Variants in LMBRD1 observed in about 807,000 individuals in gnomAD.
The protein encoded by LMBRD1 is LMBR1 domain containing 1.
In LMBRD1, 64 loss-of-function variants were observed where a neutral mutation model predicts 74.8. That is an observed-to-expected ratio of 0.86 (90% CI 0.70 to 1.05). The LOEUF (loss-of-function observed/expected upper bound fraction) is 1.05, where lower values mean the gene tolerates loss of function less well. Ranked by LOEUF, LMBRD1 falls within the 50% of genes least tolerant of loss-of-function variation. The probability of loss-of-function intolerance (pLI) is 0.00; values close to 1 mark genes in which losing one functional copy is unlikely to be tolerated. For synonymous variants in LMBRD1, 204 were observed against 216.3 expected, an observed-to-expected ratio of 0.94 and a Z score of 0.50; for missense variants, 652 against 645.9, an observed-to-expected ratio of 1.01 and a Z score of -0.10.
chr6:69,776,606 A>C (rs559684996), intron 3 of LMBRD1, among the ~76,000 whole-genome samples: 11 of 152,358 alleles, frequency 7.2e-5, no homozygotes, highest in African/African-American at 2.6e-4. Context: ...ACCCGAACAT[A>C]AAAGACAATT....
intron 14 of LMBRD1, among the ~76,000 whole-genome samples, chr6:69,685,814 A>G (rs536799405): frequency 6.6e-6 from 1 of 152,184 alleles, no homozygotes; most frequent in South Asian, 2.1e-4. Context: ...ACAAACAAAC[A>G]AACAAAAACA....
intron 3 of LMBRD1, among the ~76,000 whole-genome samples, chr6:69,764,188 C>T (rs1457496): frequency 0.12 from 17,801 of 152,106 alleles, 2,893 homozygotes; most frequent in African/African-American, 0.36. Flanking sequence ...GAAGCCCTAA[C>T]GCCAATGTGA....
At chr6:69,682,718 G>A (rs1346778407) in intron 14 of LMBRD1, among the ~76,000 whole-genome samples, 1 of 151,934 alleles carries the variant, frequency 6.6e-6, no homozygotes, top group Admixed American at 6.6e-5. Flanking sequence ...TAAAATAAAA[G>A]TAGTTTAAAC....
intron 7 of LMBRD1, among the ~76,000 whole-genome samples, chr6:69,719,836 T>G (rs114972140): frequency 2.6e-5 from 4 of 152,168 alleles, no homozygotes; most frequent in Non-Finnish European, 5.9e-5. Context: ...CATTATGTAC[T>G]TAAATGTTTT....
chr6:69,725,012 A>C (rs886211742), intron 7 of LMBRD1, among the ~76,000 whole-genome samples: 6 of 152,196 alleles, frequency 3.9e-5, no homozygotes, highest in Non-Finnish European at 8.8e-5. Context: ...AAATTCAGTA[A>C]AGTTGCAGGA....
At position 69,790,340 on chromosome 6, in the gene LMBRD1, T is replaced by C. The variant is rs774134406; in HGVS notation, c.202A>G (p.Ile68Val). 17 of 1,613,206 alleles carry C rather than the reference T, an allele frequency of 1.1e-5. No homozygotes were observed. Among genetic ancestry groups the C allele is most frequent in the East Asian group, 2.2e-5 (1 of 44,858 alleles). ...LITSALLPVD[I>V]FLVSYMKNQN... ...TTTTTCATGTAAGAAACCAAAAATA[T>C]ATCCACTGGTAGAAGTGCTGATGTG... The change falls in exon 2 of 16, where the codon ATA becomes GTA. Residue 68 changes from isoleucine (I) to valine (V), a missense_variant. This residue lies in a region of LMBRD1 where 598 missense variants were observed against 581.8 expected (regional missense o/e 1.03). Transcript: ENST00000649934.
At chr6:69,728,090 T>C (rs1268101774) in intron 7 of LMBRD1, among the ~76,000 whole-genome samples, 1 of 152,158 alleles carries the variant, frequency 6.6e-6, no homozygotes, top group Non-Finnish European at 1.5e-5. Context: ...GGAAGCATGG[T>C]TAGGGACACC....
In LMBRD1 at chr6:69,775,019, G is replaced by A. The variant is rs9364059; in HGVS notation, c.307+5475C>T. Among the ~76,000 whole-genome samples the A allele has an allele frequency of 2.2e-3, 208 of 92,492 alleles. 45 individuals carry two copies. The highest frequency in any genetic ancestry group is 3.5e-3 in the East Asian group (10 of 2,826). 60.7% of individuals were successfully genotyped at this position (92,492 alleles called of 152,430 possible). A position where few individuals can be genotyped will look rare whatever the true frequency, so the allele number is the denominator to read the frequency against. ...GGAGGGAGGGAGGGAGGGAGGGAGG[G>A]AGGGAGGGAGGGAGGGAAGGAAGGA... On this transcript the variant is annotated intron_variant, in intron 3 of 15. Coordinates refer to ENST00000649934, the MANE Select transcript of LMBRD1 (RefSeq NM_018368.4).
chr6:69,695,388 G>A (rs1284225775), intron 14 of LMBRD1, among the ~76,000 whole-genome samples: 3 of 151,446 alleles, frequency 2.0e-5, no homozygotes, highest in Non-Finnish European at 4.4e-5. Flanking sequence ...TGATTATCCT[G>A]GGTTCCAGTG....
At chr6:69,753,802 G>A (rs368379512) in intron 3 of LMBRD1, among the ~76,000 whole-genome samples, 4 of 152,096 alleles carry the variant, frequency 2.6e-5, no homozygotes, top group East Asian at 3.8e-4. Context: ...TTAGCTGGGC[G>A]TGGTCGTGGG....
intron 9 of LMBRD1, among the ~76,000 whole-genome samples, chr6:69,711,439 C>A (rs1766381715): frequency 1.3e-5 from 2 of 152,068 alleles, no homozygotes; most frequent in Non-Finnish European, 2.9e-5. Context: ...TCCTTCTAAA[C>A]ATATGTTTGG....
At chr6:69,778,226 A>G (rs1765746740) in intron 3 of LMBRD1, among the ~76,000 whole-genome samples, 2 of 152,226 alleles carry the variant, frequency 1.3e-5, no homozygotes, top group Admixed American at 1.3e-4. Flanking sequence ...CAAAGCAATT[A>G]TATTTCTCAC....
chr6:69,697,736 C>CAG, intron 13 of LMBRD1, 95 bp from the exon 14 acceptor site: 13 of 678,426 alleles, frequency 1.9e-5, no homozygotes, highest in Non-Finnish European at 3.1e-5. Flanking sequence ...ACTCTGTATA[C>CAG]TAACTACATC....
At chr6:69,685,953 A>T (rs922274689) in intron 14 of LMBRD1, among the ~76,000 whole-genome samples, 1 of 152,174 alleles carries the variant, frequency 6.6e-6, no homozygotes, top group Admixed American at 6.5e-5. Context: ...TTTAAGGGAG[A>T]CATGATGGAA....
chr6:69,762,913 T>C (rs1765402299), intron 3 of LMBRD1, among the ~76,000 whole-genome samples: 1 of 152,154 alleles, frequency 6.6e-6, no homozygotes, highest in Admixed American at 6.6e-5. Context: ...AAATAAATGT[T>C]TATTGATTAG....
At chr6:69,783,933 T>G (rs1765891082) in intron 2 of LMBRD1, among the ~76,000 whole-genome samples, 1 of 152,252 alleles carries the variant, frequency 6.6e-6, no homozygotes, top group Non-Finnish European at 1.5e-5. Flanking sequence ...TAGCATCTTT[T>G]ACTCTATAAG....
intron 9 of LMBRD1, among the ~76,000 whole-genome samples, chr6:69,710,440 C>T (rs1411581945): frequency 6.6e-6 from 1 of 152,072 alleles, no homozygotes; most frequent in African/African-American, 2.4e-5. Flanking sequence ...GATAGACAAA[C>T]ATTTCTGAGG....
intron 11 of LMBRD1, 63 bp downstream of exon 11, chr6:69,701,380 T>C: frequency 1.1e-6 from 1 of 932,714 alleles, no homozygotes; most frequent in Non-Finnish European, 1.8e-6. Context: ...TCAGAATGTT[T>C]GCTAGACTCT....
intron 8 of LMBRD1, among the ~76,000 whole-genome samples, chr6:69,715,576 A>C (rs1425225535): frequency 6.6e-6 from 1 of 152,096 alleles, no homozygotes; most frequent in Non-Finnish European, 1.5e-5. Context: ...AAAAAAGTAA[A>C]ACATGAAAGC....
Sources: gnomAD v4.1 joint callset for allele counts (sites outside exome capture counted in the v4.1 genomes callset) on GRCh38, gnomAD v4.1.1 for gene constraint, gnomAD v4.1.1 regional missense constraint, MANE v1.5 for transcripts, NCBI Gene and HGNC (gene_info 2026-07-23, HGNC 2026-07-21) for gene names.